The following CCNG2 variants were observed in gnomAD, a reference collection of about 807,000 sequenced individuals.
CCNG2 encodes the protein cyclin-G2.
Under a neutral mutation model 36.5 loss-of-function variants are expected in CCNG2, and 20 were observed. That is an observed-to-expected ratio of 0.55 (90% CI 0.39 to 0.80). CCNG2 has a LOEUF of 0.80. CCNG2 is among the 30% of genes least tolerant of loss of function. CCNG2 has a pLI of 0.00. For synonymous variants in CCNG2, 155 were observed against 140.1 expected (o/e 1.11, Z -0.75); for missense variants, 358 against 390.8 (o/e 0.92, Z 0.71).
chr4:77,165,168 C>G (rs2109923358), intron 7 of CCNG2, among the ~76,000 whole-genome samples: 1 of 152,194 alleles, frequency 6.6e-6, no homozygotes, highest in East Asian at 1.9e-4. Context: ...GATAAAGGGC[C>G]AGAAGTTTCA....
In CCNG2 at chr4:77,161,501, T is replaced by C. The variant is rs766281975; in HGVS notation, c.549T>C (p.Asp183=). The C allele has an allele frequency of 1.9e-6, 3 of 1,605,974 alleles. No homozygotes were observed. The highest frequency in any genetic ancestry group is 8.5e-7 in the Non-Finnish European group (1 of 1,177,062). The part of the protein sequence containing the change: ...TSERKEILSL[D]KLEAQLKACN... ...ATAGGAAAGAAATACTGAGCCTTGA[T>C]AAACTAGAAGCTCAGCTGAAAGCTT... The change falls in exon 5 of 8, where the codon GAT becomes GAC. Residue 183 remains aspartate (D), a synonymous_variant. Coordinates refer to ENST00000316355, the MANE Select transcript of CCNG2 (RefSeq NM_004354.3).
intron 6 of CCNG2, among the ~76,000 whole-genome samples, chr4:77,162,708 G>A (rs934879940): frequency 3.9e-5 from 6 of 151,980 alleles, no homozygotes; most frequent in Non-Finnish European, 8.8e-5. Flanking sequence ...TTTAAGCAAA[G>A]AAATAGGGCA....
chr4:77,163,439 G>A (rs532242055), intron 6 of CCNG2, among the ~76,000 whole-genome samples: 3 of 152,344 alleles, frequency 2.0e-5, no homozygotes, highest in African/African-American at 7.2e-5. Context: ...CAGATTACAA[G>A]TGGGTTAGGA....
chr4:77,159,810 C>T (rs4150060), intron 3 of CCNG2, among the ~76,000 whole-genome samples: 13,379 of 152,270 alleles, frequency 0.088, 667 homozygotes, highest in African/African-American at 0.14. Flanking sequence ...AAGATTTCAT[C>T]TGCCATCATG....
intron 7 of CCNG2, chr4:77,165,146 T>G (rs1171943645): frequency 6.6e-6 from 1 of 152,244 alleles, no homozygotes; most frequent in Non-Finnish European, 1.5e-5. Context: ...TTTGTTTGTT[T>G]TATGCCGTAG....
chr4:77,166,160 T>C lies in CCNG2; in HGVS notation c.*236T>C. The C allele has an allele frequency of 3.3e-6, 1 of 301,490 alleles. No homozygotes were observed. Among genetic ancestry groups the C allele is most frequent in the Non-Finnish European group, 6.1e-6 (1 of 164,594 alleles). 18.7% of individuals were successfully genotyped at this position (301,490 alleles called of 1,614,324 possible). On this transcript the variant is annotated 3_prime_UTR_variant, in exon 8 of 8. Transcript: ENST00000316355. ...TTTAGACATTGGCACTTTATTTTTC[T>C]CGTAGATCTTTAGCTACTTTGGGGA...
At position 77,158,664 on chromosome 4, in the gene CCNG2, C is replaced by A. The variant is rs879560351; in HGVS notation, c.132C>A (p.Thr44=). 6.2e-7 allele frequency: 1 copy of A among 1,614,008 alleles called. No homozygotes were observed. The highest frequency in any genetic ancestry group is 1.1e-5 in the South Asian group (1 of 91,058). Residue 44 remains threonine (T), a synonymous_variant, in exon 2 of 8, where the codon ACC becomes ACA. Transcript: ENST00000316355. ...REKGLSLIEA[T]PENDNTLCPG... The stretch of plus-strand genomic sequence containing the variant: ...AAGGGCTGAGTTTGATTGAGGCTAC[C>A]CCGGAGGTAAGTTGGCAGAAAAGAT...
intron 6 of CCNG2, among the ~76,000 whole-genome samples, chr4:77,162,685 A>G (rs1355967554): frequency 1.3e-5 from 2 of 152,022 alleles, no homozygotes; most frequent in Non-Finnish European, 2.9e-5. Context: ...TGCCCGGCTT[A>G]CTTTGGGTTT....
At position 77,158,791 on chromosome 4, in the gene CCNG2, G is replaced by C. The variant is rs545669968; in HGVS notation, c.138+121G>C. 1.7e-3 allele frequency: 1,611 copies of C among 959,102 alleles called. 8 individuals carry two copies. The highest frequency in any genetic ancestry group is 1.6e-3 in the Non-Finnish European group (1,028 of 636,862). 59.4% of individuals were successfully genotyped at this position (959,102 alleles called of 1,614,324 possible). ...AATTTCTTAAAAGTTGTTCTTTCTGGAGTACCAAGATAAACCTTATTACAG... is the reference window on the plus strand; with the variant it reads ...AATTTCTTAAAAGTTGTTCTTTCTGCAGTACCAAGATAAACCTTATTACAG... On this transcript the variant is annotated intron_variant, in intron 2 of 7. Transcript: ENST00000316355.
Position 77,157,452 on chromosome 4 carries a change from C to T in CCNG2, c.-55C>T, listed in dbSNP as rs1312532792. The T allele has an allele frequency of 2.6e-5, 4 of 152,340 alleles. No individual in the cohort carries two copies. The highest frequency in any genetic ancestry group is 6.5e-5 in the Admixed American group (1 of 15,312). The allele number at this position is 152,340 out of a possible 1,614,324, so 9.4% of individuals were successfully genotyped here. ...GACAGGTTTGGAAGCCCCCGCTGCGCCCAGTCCGTGCGGACCGCGAGGCCG... is the reference window on the plus strand; with the variant it reads ...GACAGGTTTGGAAGCCCCCGCTGCGTCCAGTCCGTGCGGACCGCGAGGCCG... On this transcript the variant is annotated 5_prime_UTR_variant, in exon 1 of 8. Coordinates refer to ENST00000316355, the MANE Select transcript of CCNG2 (RefSeq NM_004354.3).
rs1464177808 is a variant in CCNG2, at chr4:77,168,331, A to T, written c.*2407A>T. The T allele has an allele frequency of 6.6e-6, 1 of 152,222 alleles. No individual in the cohort carries two copies. Among genetic ancestry groups the T allele is most frequent in the African/African-American group, 2.4e-5 (1 of 41,456 alleles). The allele number at this position is 152,222 out of a possible 1,614,324, so 9.4% of individuals were successfully genotyped here. ...ATGGTTTAGACCTGTACTCTTTATC[A>T]GCAGAGGTACTGTAATATATTTGTG... On this transcript the variant is annotated 3_prime_UTR_variant, in exon 8 of 8. Coordinates refer to ENST00000316355, the MANE Select transcript of CCNG2 (RefSeq NM_004354.3).
chr4:77,165,698 T>C, intron 7 of CCNG2, 103 bp from the exon 8 acceptor site: 1 of 979,982 alleles, frequency 1.0e-6, no homozygotes, highest in Non-Finnish European at 1.4e-6. Flanking sequence ...ATTTTGAATA[T>C]AAAAATCCTC....
rs1480802307 is a variant in CCNG2, at chr4:77,168,881, A to AC, written c.*2962dup. 4.6e-5 allele frequency: 7 copies of AC among 152,048 alleles called. No homozygotes were observed. The highest frequency in any genetic ancestry group is 1.7e-4 in the African/African-American group (7 of 41,362). 9.4% of individuals were successfully genotyped at this position (152,048 alleles called of 1,614,324 possible). The stretch of plus-strand genomic sequence containing the variant: ...AAGCTACCATTTTGTCCTCATCCTT[A>AC]CCCCCGTTGACTTGGCGAGAGATTT... On this transcript the variant is annotated 3_prime_UTR_variant, in exon 8 of 8. Coordinates refer to ENST00000316355, the MANE Select transcript of CCNG2 (RefSeq NM_004354.3).
chr4:77,160,591 G>C (rs28648488), intron 3 of CCNG2, 130 bp from the exon 4 acceptor site: 328,878 of 777,420 alleles, frequency 0.42, 70,942 homozygotes, highest in Middle Eastern at 0.54. Flanking sequence ...TGTGGGTAAA[G>C]AGCCAGTACA....
intron 6 of CCNG2, 25 bp from the exon 7 acceptor site, chr4:77,164,249 A>T (rs775293041): frequency 6.3e-7 from 1 of 1,576,208 alleles, no homozygotes; most frequent in Non-Finnish European, 8.7e-7. Context: ...CATTGCCGTA[A>T]CCTCTTAAAA....
At position 77,166,011 on chromosome 4, in the gene CCNG2, C is replaced by A; in HGVS notation, c.*87C>A. On this transcript the variant is annotated 3_prime_UTR_variant, in exon 8 of 8. Transcript: ENST00000316355. ...GGTAGTTTCCTGGTTTAGCCCCCAT[C>A]TAGTCAGGAATTAATATACTGGAAT... 7.7e-7 allele frequency: 1 copy of A among 1,296,830 alleles called. No individual in the cohort carries two copies. The highest frequency in any genetic ancestry group is 1.1e-6 in the Non-Finnish European group (1 of 948,756). 80.3% of individuals were successfully genotyped at this position (1,296,830 alleles called of 1,614,324 possible). A position where few individuals can be genotyped will look rare whatever the true frequency, so the allele number is the denominator to read the frequency against.
chr4:77,160,665 G>C (rs1577904970), intron 3 of CCNG2, 56 bp from the exon 4 acceptor site: 1 of 1,553,196 alleles, frequency 6.4e-7, no homozygotes, highest in East Asian at 2.2e-5. Flanking sequence ...AATATTCTAA[G>C]TATCTGCTAA....
rs1472807229 is a variant in CCNG2, at chr4:77,157,425, G to A, written c.-82G>A. On this transcript the variant is annotated 5_prime_UTR_variant, in exon 1 of 8. Transcript: ENST00000316355. ...CTGAGGCGGTGGGTCCCCGACCTGC[G>A]AGACAGGTTTGGAAGCCCCCGCTGC... 1.3e-5 allele frequency: 2 copies of A among 152,324 alleles called. No individual in the cohort carries two copies. The highest frequency in any genetic ancestry group is 2.4e-5 in the African/African-American group (1 of 41,462). 9.4% of individuals were successfully genotyped at this position (152,324 alleles called of 1,614,324 possible).
intron 2 of CCNG2, 67 bp downstream of exon 2, chr4:77,158,737 C>T: frequency 6.4e-7 from 1 of 1,561,212 alleles, no homozygotes; most frequent in Non-Finnish European, 8.8e-7. Flanking sequence ...ACCCCCCCGC[C>T]CCCGTTGAAT....
Sources: gnomAD v4.1 joint callset for allele counts (sites outside exome capture counted in the v4.1 genomes callset) on GRCh38, gnomAD v4.1.1 for gene constraint, MANE v1.5 for transcripts, NCBI Gene and HGNC (gene_info 2026-07-23, HGNC 2026-07-21) for gene names.